The following PIK3C3 variants were observed in gnomAD, a reference collection of about 807,000 sequenced individuals.
PIK3C3 encodes the protein phosphatidylinositol 3-kinase catalytic subunit type 3.
PIK3C3 carries 95 observed loss-of-function variants against 126.1 expected under a neutral mutation model. The observed-to-expected ratio is 0.75, with a 90% CI of 0.64 to 0.89. The LOEUF is 0.89. Ranked by LOEUF, PIK3C3 falls within the 40% of genes least tolerant of loss-of-function variation. PIK3C3 has a pLI of 0.00. For missense variants in PIK3C3, 829 were observed against 1,063.2 expected (o/e 0.78, Z 3.06); for synonymous variants, 374 against 360.0 (o/e 1.04, Z -0.44).
intron 6 of PIK3C3, among the ~76,000 whole-genome samples, chr18:41,991,172 A>G (rs1319880283): frequency 2.6e-5 from 4 of 151,510 alleles, no homozygotes; most frequent in Non-Finnish European, 5.9e-5. Context: ...AAATGCTTGT[A>G]GAAGGTGCTT....
chr18:42,011,003 A>G lies in PIK3C3; in HGVS notation c.1171-2439A>G, dbSNP rs923584211. On this transcript the variant is annotated intron_variant, in intron 10 of 24. Coordinates refer to ENST00000262039, the MANE Select transcript of PIK3C3 (RefSeq NM_002647.4). ...TCTTGGATGATCAGGTACATTGTCT[A>G]TGAGCAGTAATATTTTGAAATCTTC... Among the ~76,000 whole-genome samples the G allele has an allele frequency of 7.9e-5, 12 of 152,332 alleles. No individual in the cohort carries two copies. The South Asian group carries it at 1.2e-3, about 16-fold the overall frequency.
intron 15 of PIK3C3, among the ~76,000 whole-genome samples, chr18:42,032,949 A>G (rs1297905940): frequency 6.6e-6 from 1 of 152,110 alleles, no homozygotes; most frequent in Non-Finnish European, 1.5e-5. Flanking sequence ...TCTTTCACTG[A>G]TTCCAGAGTT....
In PIK3C3 at chr18:42,043,730, CAGAACTTTTTT is replaced by C; in HGVS notation, c.2106_2116del (p.Asn702LysfsTer6). ...CTAAAACATGTAAATAATGTCTTTT[CAGAACTTTTTT>C]AGAAAATATGCACCAAGTGAGAATG... On this transcript the variant is annotated splice_acceptor_variant and coding_sequence_variant, in exon 20 of 25. Coordinates refer to ENST00000262039, the MANE Select transcript of PIK3C3 (RefSeq NM_002647.4). LOFTEE classifies it high-confidence loss of function. 1 of 1,599,914 alleles carries C rather than the reference CAGAACTTTTTT, an allele frequency of 6.3e-7. No individual in the cohort carries two copies. The highest frequency in any genetic ancestry group is 2.2e-5 in the East Asian group (1 of 44,704).
chr18:42,079,946 AG>A (rs35735106), intron 24 of PIK3C3, among the ~76,000 whole-genome samples: 1 of 137,130 alleles, frequency 7.3e-6, no homozygotes, highest in Non-Finnish European at 1.6e-5. Context: ...CCAACTTTTG[AG>A]TGTGTGTGTG....
intron 20 of PIK3C3, among the ~76,000 whole-genome samples, chr18:42,046,354 G>A (rs906296415): frequency 6.6e-6 from 1 of 152,060 alleles, no homozygotes; most frequent in Admixed American, 6.5e-5. Flanking sequence ...TAGTTTTGGT[G>A]ACATCTTTTC....
chr18:41,988,526 A>C (rs1981609562), intron 5 of PIK3C3, among the ~76,000 whole-genome samples: 1 of 152,134 alleles, frequency 6.6e-6, no homozygotes, highest in South Asian at 2.1e-4. Flanking sequence ...CAGAAACAAT[A>C]ATTATATTAA....
intron 4 of PIK3C3, among the ~76,000 whole-genome samples, chr18:41,978,861 T>C (rs1981057399): frequency 6.6e-6 from 1 of 152,064 alleles, no homozygotes; most frequent in South Asian, 2.1e-4. Context: ...TATTGAAACT[T>C]ACCCCCCAGA....
chr18:41,955,845 T>C (rs1979743774), intron 1 of PIK3C3, among the ~76,000 whole-genome samples: 1 of 144,178 alleles, frequency 6.9e-6, no homozygotes, highest in South Asian at 2.1e-4. Flanking sequence ...AGGCCTAGAG[T>C]GAATCTTTGG....
intron 10 of PIK3C3, among the ~76,000 whole-genome samples, chr18:42,010,031 C>G (rs901625510): frequency 6.6e-6 from 1 of 152,190 alleles, no homozygotes; most frequent in African/African-American, 2.4e-5. Context: ...TTGTCTGCAG[C>G]ATGCAATGCT....
chr18:42,049,260 G>T, intron 20 of PIK3C3: 1 of 278,988 alleles, frequency 3.6e-6, no homozygotes, highest in Non-Finnish European at 6.7e-6. Flanking sequence ...CTAGGCCCAT[G>T]TTATAATTTA....
intron 2 of PIK3C3, among the ~76,000 whole-genome samples, chr18:41,960,665 G>A (rs1980032946): frequency 6.6e-6 from 1 of 152,122 alleles, no homozygotes; most frequent in Non-Finnish European, 1.5e-5. Context: ...TACCTTTTTG[G>A]TGTCTGACTA....
chr18:42,057,675 C>A (rs1211757796), intron 21 of PIK3C3: 7 of 496,740 alleles, frequency 1.4e-5, no homozygotes, highest in Non-Finnish European at 2.5e-5. Flanking sequence ...GGCATAGTTT[C>A]GTGTGAACGA....
At chr18:42,069,257 G>A (rs113662774) in intron 24 of PIK3C3, among the ~76,000 whole-genome samples, 1,646 of 152,226 alleles carry the variant, frequency 0.011, 28 homozygotes, top group African/African-American at 0.038. Flanking sequence ...AATAAATTGT[G>A]ATTCAAATAG....
chr18:42,082,354 C>T lies in PIK3C3; in HGVS notation c.*1217C>T, dbSNP rs1438267319. 1 of 152,218 alleles carries T rather than the reference C, an allele frequency of 6.6e-6. No homozygotes were observed. The highest frequency in any genetic ancestry group is 1.9e-4 in the East Asian group (1 of 5,178). 9.4% of individuals were successfully genotyped at this position (152,218 alleles called of 1,614,324 possible). On this transcript the variant is annotated 3_prime_UTR_variant, in exon 25 of 25. Coordinates refer to ENST00000262039, the MANE Select transcript of PIK3C3 (RefSeq NM_002647.4). ...ATTCTTAGCCCTGGGCTTGCCTCTTCAGAGTGGGGTTACCGGCGAGAGGGC... is the reference window on the plus strand; with the variant it reads ...ATTCTTAGCCCTGGGCTTGCCTCTTTAGAGTGGGGTTACCGGCGAGAGGGC...
At chr18:42,062,039 T>C (rs1985338107) in intron 22 of PIK3C3, among the ~76,000 whole-genome samples, 1 of 152,108 alleles carries the variant, frequency 6.6e-6, no homozygotes, top group African/African-American at 2.4e-5. Flanking sequence ...CAGGCATTGA[T>C]ACATTTGAAA....
At chr18:42,065,752 A>G (rs577320128) in intron 23 of PIK3C3, among the ~76,000 whole-genome samples, 4 of 152,316 alleles carry the variant, frequency 2.6e-5, no homozygotes, top group Non-Finnish European at 5.9e-5. Flanking sequence ...TTAATTTACA[A>G]TAGCCTTAAG....
Position 42,029,325 on chromosome 18 carries a change from G to A in PIK3C3, c.1591G>A (p.Gly531Ser), listed in dbSNP as rs1278575040. 4 of 1,606,234 alleles carry A rather than the reference G, an allele frequency of 2.5e-6. No homozygotes were observed. Among genetic ancestry groups the A allele is most frequent in the Admixed American group, 1.7e-5 (1 of 59,994 alleles). ...TTTTTTCTCACTTTGAACCCTTCAG[G>A]GTGATAAGTCTGTCAGAGTTATGCG... ...MRRFSQALLK[G>S]DKSVRVMRSL... The change falls in exon 15 of 25, where the codon GGT (glycine) becomes AGT (serine). Residue 531 changes from glycine (G) to serine (S), a missense_variant and splice_region_variant. Gly to Ser is a moderately conservative substitution (Grantham distance 56, BLOSUM62 0). Around this residue, in one of 4 missense-constraint regions of PIK3C3, gnomAD observed 256 missense variants for 291.0 expected, o/e 0.88. Transcript: ENST00000262039.
intron 16 of PIK3C3, among the ~76,000 whole-genome samples, chr18:42,035,828 C>G (rs1984025114): frequency 6.6e-6 from 1 of 152,098 alleles, no homozygotes; most frequent in Non-Finnish European, 1.5e-5. Flanking sequence ...GCTGAAAAGG[C>G]TAGGGACCCT....
At chr18:42,021,102 T>G (rs1172516635) in intron 13 of PIK3C3, among the ~76,000 whole-genome samples, 1 of 152,180 alleles carries the variant, frequency 6.6e-6, no homozygotes, top group Non-Finnish European at 1.5e-5. Flanking sequence ...CCTTATGGCA[T>G]TTTAAACATG....
Sources: allele counts gnomAD v4.1 joint callset (sites outside exome capture counted in the v4.1 genomes callset), GRCh38; gene constraint gnomAD v4.1.1; regional missense constraint gnomAD v4.1.1; transcripts MANE v1.5; gene names NCBI Gene and HGNC (gene_info 2026-07-23, HGNC 2026-07-21).